The following OSBPL6 variants were observed in gnomAD, a reference collection of about 807,000 sequenced individuals.
OSBPL6 encodes oxysterol binding protein like 6.
A neutral mutation model predicts 125.8 loss-of-function variants in OSBPL6; 49 were observed. The observed-to-expected ratio is 0.39, with a 90% CI of 0.31 to 0.49. The LOEUF is 0.49. Ranked by LOEUF, OSBPL6 falls within the 20% of genes least tolerant of loss-of-function variation. OSBPL6 has a pLI of 0.88. For missense variants in OSBPL6, 986 were observed against 1,135.4 expected (o/e 0.87, Z 1.89); for synonymous variants, 394 against 391.8 (o/e 1.01, Z -0.07).
intron 9 of OSBPL6, 152 bp from the exon 10 acceptor site, chr2:178,338,839 A>G: frequency 1.7e-6 from 1 of 576,408 alleles, no homozygotes; most frequent in Non-Finnish European, 3.0e-6. Context: ...GCACCAGAAA[A>G]GGGTCTGTTT....
intron 9 of OSBPL6, among the ~76,000 whole-genome samples, chr2:178,337,610 A>G (rs1689804593): frequency 6.6e-6 from 1 of 152,208 alleles, no homozygotes; most frequent in African/African-American, 2.4e-5. Context: ...GAACTTTCTC[A>G]TCTACCATCT....
rs563062183 is a variant in OSBPL6 at position 178,223,168 on chromosome 2, C to A, written c.-351+28494C>A. 1.7e-4 allele frequency among the ~76,000 whole-genome samples: 26 copies of A among 152,306 alleles called. No individual in the cohort carries two copies. In the South Asian group the frequency reaches 2.9e-3, roughly 17 times the overall value. On this transcript the variant is annotated intron_variant, in intron 1 of 24. Coordinates refer to ENST00000190611, the MANE Select transcript of OSBPL6 (RefSeq NM_032523.4). Reference sequence around the variant, plus strand: ...AGCCTTGTAAGACTTGTTACTAGTTCACTCTAAAAGTTTACTCTGATTCTC... The same window carrying A: ...AGCCTTGTAAGACTTGTTACTAGTTAACTCTAAAAGTTTACTCTGATTCTC...
At chr2:178,331,653 T>C in intron 6 of OSBPL6, 48 bp downstream of exon 6, 1 of 1,573,096 alleles carries the variant, frequency 6.4e-7, no homozygotes. Context: ...CGAATTCTGC[T>C]TGAAGTGAGT....
intron 1 of OSBPL6, among the ~76,000 whole-genome samples, chr2:178,212,667 T>C (rs2089913849): frequency 6.6e-6 from 1 of 152,270 alleles, no homozygotes; most frequent in South Asian, 2.1e-4. Context: ...TCCATTCTAA[T>C]TGGGTTTTCC....
intron 15 of OSBPL6, among the ~76,000 whole-genome samples, chr2:178,376,740 C>T (rs1180698927): frequency 6.6e-6 from 1 of 152,140 alleles, no homozygotes; most frequent in Non-Finnish European, 1.5e-5. Context: ...CTGGAGCCTT[C>T]CAACAGCCAA....
At chr2:178,288,894 C>T (rs1236934275) in intron 2 of OSBPL6, among the ~76,000 whole-genome samples, 1 of 151,972 alleles carries the variant, frequency 6.6e-6, no homozygotes. Flanking sequence ...AAGTGATCCA[C>T]CCGCCTTGGC....
chr2:178,226,081 G>C (rs1011172361), intron 1 of OSBPL6, among the ~76,000 whole-genome samples: 80 of 152,352 alleles, frequency 5.3e-4, no homozygotes, highest in African/African-American at 1.7e-3. Flanking sequence ...TAAGCAGCAA[G>C]GGAGGAAGCT....
At chr2:178,276,025 A>G (rs1373236791) in intron 1 of OSBPL6, among the ~76,000 whole-genome samples, 1 of 152,198 alleles carries the variant, frequency 6.6e-6, no homozygotes, top group Admixed American at 6.5e-5. Flanking sequence ...TTGAGTTAAG[A>G]TAGTTTTTTA....
intron 1 of OSBPL6, among the ~76,000 whole-genome samples, chr2:178,258,285 G>A (rs2091949069): frequency 1.3e-5 from 2 of 151,960 alleles, no homozygotes; most frequent in Admixed American, 6.6e-5. Flanking sequence ...GTGTTTAGTA[G>A]AGAAGGAGTT....
Position 178,391,102 on chromosome 2 carries a change from AG to A in OSBPL6, c.2332del (p.Val778SerfsTer5). ...ATTATTGGAATTCTAACATGAATGA[AG>A]TCCAGGGGGTGGTGATAGATCAGGA... is the stretch of plus-strand genomic sequence containing the variant. ...VNYWNSNMNE[V>X]QGVVIDQEGK... On this transcript the variant is annotated frameshift_variant, in exon 22 of 25. Transcript: ENST00000190611. LOFTEE classifies it high-confidence loss of function. 6.2e-7 allele frequency: 1 copy of A among 1,613,334 alleles called. No homozygotes were observed. Among genetic ancestry groups the A allele is most frequent in the Non-Finnish European group, 8.5e-7 (1 of 1,179,792 alleles).
intron 8 of OSBPL6, among the ~76,000 whole-genome samples, chr2:178,334,395 A>G (rs1052604626): frequency 1.1e-4 from 17 of 152,244 alleles, no homozygotes; most frequent in African/African-American, 3.9e-4. Context: ...AGTAACTGCA[A>G]TACTAACCAA....
chr2:178,253,928 A>G (rs977006273), intron 1 of OSBPL6, among the ~76,000 whole-genome samples: 2 of 152,142 alleles, frequency 1.3e-5, no homozygotes, highest in South Asian at 2.1e-4. Flanking sequence ...TATCATGGCA[A>G]TAGGACTGAT....
chr2:178,348,035 A>G (rs1043116554), intron 11 of OSBPL6, among the ~76,000 whole-genome samples: 1 of 152,228 alleles, frequency 6.6e-6, no homozygotes, highest in African/African-American at 2.4e-5. Flanking sequence ...CTCAGGCCAG[A>G]TATTTTGATT....
intron 15 of OSBPL6, among the ~76,000 whole-genome samples, chr2:178,379,004 A>AAAAAT (rs1195216412): frequency 2.8e-4 from 42 of 152,006 alleles, no homozygotes; most frequent in South Asian, 1.0e-3. Context: ...ACCTCTACAA[A>AAAAAT]AAAATAAAAT....
chr2:178,360,895 C>T lies in OSBPL6; in HGVS notation c.1154-787C>T, dbSNP rs927322903. Among the ~76,000 whole-genome samples the T allele has an allele frequency of 7.6e-4, 115 of 152,250 alleles. 1 individual carries two copies. Among genetic ancestry groups the T allele is most frequent in the African/African-American group, 2.8e-3 (115 of 41,540 alleles). On this transcript the variant is annotated intron_variant, in intron 12 of 24. Coordinates refer to ENST00000190611, the MANE Select transcript of OSBPL6 (RefSeq NM_032523.4). ...CTAAAAATTTCCACTTTTATAAATACCTTTCTCAAATAAGGAAATACCTAT... is the reference window on the plus strand; with the variant it reads ...CTAAAAATTTCCACTTTTATAAATATCTTTCTCAAATAAGGAAATACCTAT...
Position 178,389,119 on chromosome 2 carries a change from G to T in OSBPL6, c.2267G>T (p.Ser756Ile). Residue 756 changes from serine (S) to isoleucine (I), a missense_variant, in exon 21 of 25, where the codon AGC becomes ATC. This residue lies in a region of OSBPL6 where 843 missense variants were observed against 997.3 expected (regional missense o/e 0.85). Transcript: ENST00000190611. ...YGEVTIRNTK[S>I]SVCICKLTFV... ...GAAGTAACCATCAGAAATACCAAAAGCAGTGTTTGCATTTGCAAACTCACA... is the reference window on the plus strand; with the variant it reads ...GAAGTAACCATCAGAAATACCAAAATCAGTGTTTGCATTTGCAAACTCACA... 1 of 1,613,780 alleles carries T rather than the reference G, an allele frequency of 6.2e-7. No individual in the cohort carries two copies. The highest frequency in any genetic ancestry group is 8.5e-7 in the Non-Finnish European group (1 of 1,179,936).
At chr2:178,304,142 G>A (rs1433621577) in intron 2 of OSBPL6, among the ~76,000 whole-genome samples, 2 of 152,138 alleles carry the variant, frequency 1.3e-5, no homozygotes, top group African/African-American at 4.8e-5. Flanking sequence ...CACTTCAAAT[G>A]CTGCATCCTC....
chr2:178,220,186 C>T (rs1358742855), intron 1 of OSBPL6, among the ~76,000 whole-genome samples: 23 of 152,164 alleles, frequency 1.5e-4, no homozygotes. Context: ...AGGCTTTAGA[C>T]ATCGAGTTCC....
rs530262761 is a variant in OSBPL6 at position 178,324,246 on chromosome 2, C to G, written c.172C>G (p.Pro58Ala). The change falls in exon 4 of 25, where the codon CCG becomes GCG. Residue 58 changes from proline to alanine, a missense_variant. Transcript: ENST00000190611. ...EPSVSRQLLE[P>A]EPVPLSKEAD... ...CTCTGTAAGTCGGCAATTGCTAGAACCGGAGCCAGTCCCCCTCTCCAAGGT... is the reference window on the plus strand; with the variant it reads ...CTCTGTAAGTCGGCAATTGCTAGAAGCGGAGCCAGTCCCCCTCTCCAAGGT... The G allele has an allele frequency of 6.3e-7, 1 of 1,575,524 alleles. No homozygotes were observed. Among genetic ancestry groups the G allele is most frequent in the South Asian group, 1.2e-5 (1 of 86,396 alleles).
Sources: gnomAD v4.1 joint callset for allele counts (sites outside exome capture counted in the v4.1 genomes callset) on GRCh38, gnomAD v4.1.1 for gene constraint, gnomAD v4.1.1 regional missense constraint, MANE v1.5 for transcripts, NCBI Gene and HGNC (gene_info 2026-07-23, HGNC 2026-07-21) for gene names.